LMNB2: variants seen among roughly 807,000 people sequenced by gnomAD.
The protein encoded by LMNB2 is lamin B2, also known as lamin-B2.
Under a neutral mutation model 69.3 loss-of-function variants are expected in LMNB2, and 17 were observed. That is an observed-to-expected ratio of 0.25 (90% CI 0.17 to 0.37). The LOEUF (loss-of-function observed/expected upper bound fraction) is 0.37. Ranked by LOEUF, LMNB2 falls within the 10% of genes least tolerant of loss-of-function variation. The pLI is 1.00. For synonymous variants in LMNB2, 397 were observed against 389.3 expected, an observed-to-expected ratio of 1.02 and a Z score of -0.23; for missense variants, 789 against 883.6, an observed-to-expected ratio of 0.89 and a Z score of 1.36.
chr19:2,444,119 G>C (rs1315897026), intron 2 of LMNB2, among the ~76,000 whole-genome samples: 1 of 152,212 alleles, frequency 6.6e-6, no homozygotes, highest in Admixed American at 6.5e-5. Flanking sequence ...TAAGGAGACA[G>C]GCCAGGCTGA....
rs749116925 is a variant in LMNB2, at chr19:2,453,529, C to A, written c.264+3141G>T. Among the ~76,000 whole-genome samples, 10 of 152,128 alleles carry A rather than the reference C, an allele frequency of 6.6e-5. No individual in the cohort carries two copies. Among genetic ancestry groups the A allele is most frequent in the Non-Finnish European group, 1.3e-4 (9 of 68,010 alleles). On this transcript the variant is annotated intron_variant, in intron 1 of 11. Coordinates refer to ENST00000325327, the MANE Select transcript of LMNB2 (RefSeq NM_032737.4). The surrounding 1 kb of genome is among the most constrained non-coding windows in gnomAD (Gnocchi z 4.4). ...AGCCGGGTTCCTGGCCCACTAGTCG[C>A]AGGCGGAACTCCCAGCTGTCCCCTG...
Position 2,430,858 on chromosome 19 carries a change from A to C in LMNB2, c.*53T>G. ...ACTAAAGAAAGCCAATGATATAAAA[A>C]TAGTTTTCAGTGGCTCTGGGTAAAG... On this transcript the variant is annotated 3_prime_UTR_variant, in exon 12 of 12. Transcript: ENST00000325327. The C allele has an allele frequency of 8.8e-7, 1 of 1,142,582 alleles. No individual in the cohort carries two copies. Among genetic ancestry groups the C allele is most frequent in the East Asian group, 2.3e-5 (1 of 42,738 alleles). 70.8% of individuals were successfully genotyped at this position (1,142,582 alleles called of 1,614,324 possible).
Position 2,435,227 on chromosome 19 carries a change from C to G in LMNB2, c.685-56G>C, listed in dbSNP as rs1394236361. ...CCCGCCTGGGCCCCAAGCACCAGGCCCAAGGGAGGGCTCAAAAATGTGCCA... is the reference window on the plus strand; with the variant it reads ...CCCGCCTGGGCCCCAAGCACCAGGCGCAAGGGAGGGCTCAAAAATGTGCCA... On this transcript the variant is annotated intron_variant, in intron 4 of 11. Coordinates refer to ENST00000325327, the MANE Select transcript of LMNB2 (RefSeq NM_032737.4). The G allele has an allele frequency of 4.4e-6, 7 of 1,587,296 alleles. No individual in the cohort carries two copies. In the Admixed American group the frequency reaches 1.2e-4, roughly 27 times the overall value.
At chr19:2,436,799 C>A (rs1971831232) in intron 4 of LMNB2, 1 of 154,718 alleles carries the variant, frequency 6.5e-6, no homozygotes, top group Non-Finnish European at 1.4e-5. Context: ...GGACTCCGCA[C>A]CCTGTGGGCT....
At chr19:2,436,965 C>G (rs1971834294) in intron 4 of LMNB2, 1 of 152,316 alleles carries the variant, frequency 6.6e-6, no homozygotes, top group Non-Finnish European at 1.5e-5. Flanking sequence ...CAGAAGCTCT[C>G]GTGAGTCTCT....
chr19:2,450,922 G>A (rs993435170), intron 1 of LMNB2, among the ~76,000 whole-genome samples: 88 of 151,600 alleles, frequency 5.8e-4, no homozygotes, highest in African/African-American at 2.0e-3. Flanking sequence ...GAGCCACTGC[G>A]CCCAGACGGT....
chr19:2,433,491 G>T (rs1406053814), intron 8 of LMNB2, among the ~76,000 whole-genome samples: 1 of 52,450 alleles, frequency 1.9e-5, no homozygotes, highest in Non-Finnish European at 3.4e-5. Context: ...TTACCCCCAT[G>T]CCCCGGTCAT....
At position 2,434,921 on chromosome 19, in the gene LMNB2, G is replaced by A. The variant is rs766316644; in HGVS notation, c.856-8C>T. The A allele has an allele frequency of 4.4e-6, 7 of 1,600,778 alleles. No homozygotes were observed. The Admixed American group carries it at 1.2e-4, about 27-fold the overall frequency. On this transcript the variant is annotated splice_region_variant and splice_polypyrimidine_tract_variant and intron_variant, in intron 5 of 11. Coordinates refer to ENST00000325327, the MANE Select transcript of LMNB2 (RefSeq NM_032737.4). ...CAGCTTGGCGCTGTCCAGCTGTGGG[G>A]AGACGGGCGGGTGAGTGCGGGCGCG... is the stretch of plus-strand genomic sequence containing the variant.
intron 6 of LMNB2, 130 bp from the exon 7 acceptor site, chr19:2,434,645 G>T (rs572580531): frequency 2.0e-6 from 3 of 1,494,246 alleles, no homozygotes; most frequent in Non-Finnish European, 2.7e-6. Flanking sequence ...TGGGGCGCAC[G>T]GGAGGGGAGG....
At chr19:2,456,593 C>T in intron 1 of LMNB2, 77 bp downstream of exon 1, 1 of 1,311,278 alleles carries the variant, frequency 7.6e-7, no homozygotes, top group South Asian at 2.0e-5. Context: ...CGCCCAGGGT[C>T]CCCGCGATCG....
In LMNB2 at chr19:2,430,082, A is replaced by G. The variant is rs1568199841; in HGVS notation, c.*829T>C. On this transcript the variant is annotated 3_prime_UTR_variant, in exon 12 of 12. Coordinates refer to ENST00000325327, the MANE Select transcript of LMNB2 (RefSeq NM_032737.4). ...CAACATGGTGGCGTTCCCTGCAGACAGCTGTTCTGAAACTCACAGCTTCTG... is the reference window on the plus strand; with the variant it reads ...CAACATGGTGGCGTTCCCTGCAGACGGCTGTTCTGAAACTCACAGCTTCTG... The G allele has an allele frequency of 6.5e-6, 1 of 153,200 alleles. No individual in the cohort carries two copies. Among genetic ancestry groups the G allele is most frequent in the African/African-American group, 2.4e-5 (1 of 41,440 alleles). The allele number at this position is 153,200 out of a possible 1,614,324, so 9.5% of individuals were successfully genotyped here.
rs115242833 is a variant in LMNB2 at position 2,436,449 on chromosome 19, C to T, written c.685-1278G>A. The stretch of plus-strand genomic sequence containing the variant: ...AACGCTTCTGAAGGAAGCTGGCCAC[C>T]TTTGCAGTCAGCAAGGCGGGTAGCC... On this transcript the variant is annotated intron_variant, in intron 4 of 11. Coordinates refer to ENST00000325327, the MANE Select transcript of LMNB2 (RefSeq NM_032737.4). Among the ~76,000 whole-genome samples the T allele has an allele frequency of 7.7e-3, 1,160 of 151,442 alleles. 20 individuals carry two copies. The highest frequency in any genetic ancestry group is 0.027 in the African/African-American group (1,109 of 40,982).
In LMNB2 at chr19:2,431,815, A is replaced by C; in HGVS notation, c.1678T>G (p.Phe560Val). Residue 560 changes from phenylalanine to valine, a missense_variant, in exon 10 of 12, where the codon TTC (phenylalanine) becomes GTC (valine). Phe to Val is a conservative substitution (Grantham distance 50). This residue lies in a region of LMNB2 where 609 missense variants were observed against 630.9 expected (regional missense o/e 0.97). Coordinates refer to ENST00000325327, the MANE Select transcript of LMNB2 (RefSeq NM_032737.4). ...GQSSWGTGES[F>V]RTVLVNADGE... ...TCCGCGTTAACCAGGACGGTGCGGA[A>C]GCTCTCGCCCGTGCCCCAGCTGCTC... 6.2e-7 allele frequency: 1 copy of C among 1,613,740 alleles called. No individual in the cohort carries two copies. The highest frequency in any genetic ancestry group is 8.5e-7 in the Non-Finnish European group (1 of 1,179,880).
At chr19:2,439,073 A>C (rs111698816) in intron 2 of LMNB2, among the ~76,000 whole-genome samples, 2 of 84,428 alleles carry the variant, frequency 2.4e-5, no homozygotes, top group Admixed American at 4.2e-4. Flanking sequence ...TTTAAGAGAC[A>C]GGGGTTCACT....
intron 1 of LMNB2, 27 bp downstream of exon 1, chr19:2,456,643 G>A (rs1395878796): frequency 9.6e-6 from 14 of 1,462,212 alleles, no homozygotes; most frequent in South Asian, 7.8e-5. Flanking sequence ...CTGCACCCCC[G>A]CCCGGCCCCT....
At chr19:2,430,989 GGGCCAGCCTGGA>G in intron 11 of LMNB2, 37 bp from the exon 12 acceptor site, 1 of 1,521,376 alleles carries the variant, frequency 6.6e-7, no homozygotes, top group Non-Finnish European at 9.1e-7. Flanking sequence ...GCCATGATCA[GGGCCAGCCTGGA>G]GGCAGCCGGC....
At chr19:2,451,952 C>T (rs761203894) in intron 1 of LMNB2, among the ~76,000 whole-genome samples, 33 of 151,646 alleles carry the variant, frequency 2.2e-4, no homozygotes, top group Admixed American at 7.9e-4. Context: ...CAGAAGATGC[C>T]GAAGCCAGGT....
chr19:2,448,199 A>G (rs1971980391), intron 1 of LMNB2, among the ~76,000 whole-genome samples: 1 of 152,210 alleles, frequency 6.6e-6, no homozygotes, highest in African/African-American at 2.4e-5. Context: ...AAATCAGGAA[A>G]AAGCGGCCAG....
At chr19:2,431,025 C>A (rs1239951809) in intron 11 of LMNB2, 73 bp from the exon 12 acceptor site, 2 of 889,246 alleles carry the variant, frequency 2.2e-6, no homozygotes, top group African/African-American at 3.3e-5. Context: ...TAGATGGCTG[C>A]CCCCACCTCC....
Sources: allele counts gnomAD v4.1 joint callset (sites outside exome capture counted in the v4.1 genomes callset), GRCh38; gene constraint gnomAD v4.1.1; regional missense constraint gnomAD v4.1.1; non-coding constraint Gnocchi (gnomAD v3.1); transcripts MANE v1.5; gene names NCBI Gene and HGNC (gene_info 2026-07-23, HGNC 2026-07-21).